KIF1B: variants seen among roughly 807,000 people sequenced by gnomAD.
KIF1B encodes kinesin family member 1B, also known as kinesin-like protein KIF1B.
Under a neutral mutation model 241.9 loss-of-function variants are expected in KIF1B, and 76 were observed. The observed-to-expected ratio is 0.31, with a 90% CI of 0.26 to 0.38. The LOEUF (loss-of-function observed/expected upper bound fraction) is 0.38. Among genes scored for constraint, KIF1B ranks in the 10% least tolerant of loss-of-function variants. The pLI is 1.00. For synonymous variants in KIF1B, 750 were observed against 796.7 expected (o/e 0.94, Z 0.99); for missense variants, 1,622 against 2,271.4 (o/e 0.71, Z 5.81).
rs372177492 is a variant in KIF1B, at chr1:10,320,164, G to A, written c.2209+28G>A. On this transcript the variant is annotated intron_variant, in intron 23 of 48. Transcript: ENST00000676179. ...GAAATCTAGAGACCGAAAGTTTCCT[G>A]TGTATATCTTTTTGAAGTTATATTA... is the stretch of plus-strand genomic sequence containing the variant. 8.9e-5 allele frequency: 130 copies of A among 1,459,512 alleles called. No individual in the cohort carries two copies. In the African/African-American group the frequency reaches 1.4e-3, roughly 16 times the overall value. The allele number at this position is 1,459,512 out of a possible 1,614,324, so 90.4% of individuals were successfully genotyped here.
intron 2 of KIF1B, among the ~76,000 whole-genome samples, chr1:10,241,159 C>T (rs1410383554): frequency 6.6e-6 from 1 of 152,118 alleles, no homozygotes; most frequent in Non-Finnish European, 1.5e-5. Context: ...GTTGCGCAGA[C>T]TGAATACAGT....
chr1:10,217,630 C>G (rs985521236), intron 1 of KIF1B, among the ~76,000 whole-genome samples: 1 of 152,000 alleles, frequency 6.6e-6, no homozygotes, highest in Non-Finnish European at 1.5e-5. Context: ...CTTACTCTTT[C>G]TTCTGCCTGG....
intron 1 of KIF1B, among the ~76,000 whole-genome samples, chr1:10,226,602 C>T (rs1000974983): frequency 1.3e-5 from 2 of 152,156 alleles, no homozygotes; most frequent in South Asian, 4.1e-4. Flanking sequence ...CAATCTTGTT[C>T]TGTCATCCCC....
At chr1:10,282,741 G>A (rs1187307752) in intron 15 of KIF1B, among the ~76,000 whole-genome samples, 4 of 151,530 alleles carry the variant, frequency 2.6e-5, no homozygotes, top group Non-Finnish European at 4.4e-5. Context: ...GTTGGGAGAA[G>A]TGCATGGGCA....
In KIF1B at chr1:10,353,756, G is replaced by T. The variant is rs145215121; in HGVS notation, c.4055+1020G>T. ...AAAAGAAACAAACTTCTGTTTGCTG[G>T]CAGGGGCTGTGGAGAAAGAGGGAAG... On this transcript the variant is annotated intron_variant, in intron 38 of 48. Coordinates refer to ENST00000676179, the MANE Select transcript of KIF1B (RefSeq NM_001365951.3). Among the ~76,000 whole-genome samples the T allele has an allele frequency of 1.2e-3, 180 of 152,256 alleles. 1 individual carries two copies. Among genetic ancestry groups the T allele is most frequent in the African/African-American group, 4.1e-3 (172 of 41,542 alleles).
At chr1:10,237,574 G>T (rs1056747734) in intron 2 of KIF1B, among the ~76,000 whole-genome samples, 5 of 152,096 alleles carry the variant, frequency 3.3e-5, no homozygotes, top group Non-Finnish European at 7.3e-5. Flanking sequence ...TCTTGGTTGG[G>T]ATAGAAGTAG....
At chr1:10,280,554 C>T (rs1649360559) in intron 14 of KIF1B, among the ~76,000 whole-genome samples, 1 of 152,064 alleles carries the variant, frequency 6.6e-6, no homozygotes, top group Non-Finnish European at 1.5e-5. Context: ...CTTATTTCTA[C>T]AGTAAGGCAT....
intron 17 of KIF1B, 54 bp downstream of exon 17, chr1:10,292,176 T>C (rs984716893): frequency 7.2e-7 from 1 of 1,385,806 alleles, no homozygotes; most frequent in Admixed American, 1.7e-5. Context: ...TTGTTTGTCT[T>C]TGTTACTGGG....
chr1:10,353,279 T>C (rs897615536), intron 38 of KIF1B, among the ~76,000 whole-genome samples: 77 of 152,388 alleles, frequency 5.1e-4, no homozygotes, highest in Non-Finnish European at 7.1e-4. Flanking sequence ...TGAACTCTTA[T>C]GACCAAGATT....
In KIF1B at chr1:10,378,397, C is replaced by G. The variant is rs748344834; in HGVS notation, c.*1810C>G. The G allele has an allele frequency of 5.6e-6, 4 of 717,848 alleles. No homozygotes were observed. The highest frequency in any genetic ancestry group is 1.0e-5 in the Non-Finnish European group (4 of 385,212). 44.5% of individuals were successfully genotyped at this position (717,848 alleles called of 1,614,324 possible). On this transcript the variant is annotated 3_prime_UTR_variant, in exon 49 of 49. Transcript: ENST00000676179. The stretch of plus-strand genomic sequence containing the variant: ...AGATAAGTCTGTCTCTTTCAGCTGC[C>G]AGTAAGTTTTCCAGGATGAGAGGGG...
At chr1:10,253,646 A>G (rs188522936) in intron 2 of KIF1B, among the ~76,000 whole-genome samples, 7 of 151,662 alleles carry the variant, frequency 4.6e-5, no homozygotes, top group African/African-American at 1.7e-4. Flanking sequence ...CTGTCTCAGG[A>G]AAAAAAAAGG....
At chr1:10,267,152 G>A (rs1648510247) in intron 5 of KIF1B, among the ~76,000 whole-genome samples, 2 of 152,186 alleles carry the variant, frequency 1.3e-5, no homozygotes, top group Non-Finnish European at 2.9e-5. Context: ...CTGAGTAGCT[G>A]AGACTACAGG....
chr1:10,343,576 G>T (rs1315510178), intron 34 of KIF1B, among the ~76,000 whole-genome samples: 1 of 152,060 alleles, frequency 6.6e-6, no homozygotes, highest in Admixed American at 6.5e-5. Context: ...AGACCAACAT[G>T]GTGAAACCCT....
chr1:10,313,393 G>A (rs1283153149), intron 22 of KIF1B, among the ~76,000 whole-genome samples: 1 of 151,016 alleles, frequency 6.6e-6, no homozygotes, highest in Non-Finnish European at 1.5e-5. Flanking sequence ...AGGTTATTGA[G>A]AAGATTGTAA....
chr1:10,374,559 AGTC>A lies in KIF1B; in HGVS notation c.5096+95_5096+97del. On this transcript the variant is annotated intron_variant, in intron 46 of 48. Coordinates refer to ENST00000676179, the MANE Select transcript of KIF1B (RefSeq NM_001365951.3). The surrounding 1 kb of genome is among the most constrained non-coding windows in gnomAD (Gnocchi z 4.3). The stretch of plus-strand genomic sequence containing the variant: ...CTCTTCCCTGTGAGGTCTGTACTGT[AGTC>A]TGATGCAATCTGTACTGTAGTCTGA... 1.4e-6 allele frequency: 2 copies of A among 1,381,090 alleles called. No individual in the cohort carries two copies. Among genetic ancestry groups the A allele is most frequent in the Middle Eastern group, 2.2e-4 (1 of 4,468 alleles). 85.6% of individuals were successfully genotyped at this position (1,381,090 alleles called of 1,614,324 possible). A position where few individuals can be genotyped will look rare whatever the true frequency, so the allele number is the denominator to read the frequency against.
In KIF1B at chr1:10,305,989, A is replaced by G. The variant is rs796955412; in HGVS notation, c.2115+8743A>G. ...AACGGTGTGAAAAACTACAGCCAAG[A>G]TAGCAGTTAGCATTCAAGGAAGCCT... On this transcript the variant is annotated intron_variant, in intron 22 of 48. Coordinates refer to ENST00000676179, the MANE Select transcript of KIF1B (RefSeq NM_001365951.3). 6.7e-6 allele frequency: 7 copies of G among 1,051,736 alleles called. No individual in the cohort carries two copies. The African/African-American group carries it at 1.2e-4, about 17-fold the overall frequency. The allele number at this position is 1,051,736 out of a possible 1,614,324, so 65.2% of individuals were successfully genotyped here. A position where few individuals can be genotyped will look rare whatever the true frequency, so the allele number is the denominator to read the frequency against.
At chr1:10,228,245 C>T (rs948729745) in intron 1 of KIF1B, among the ~76,000 whole-genome samples, 2 of 151,814 alleles carry the variant, frequency 1.3e-5, no homozygotes, top group African/African-American at 2.4e-5. Context: ...TTTGGTTATC[C>T]TGGAATATTT....
At chr1:10,287,122 A>G (rs534051413) in intron 15 of KIF1B, among the ~76,000 whole-genome samples, 1 of 152,236 alleles carries the variant, frequency 6.6e-6, no homozygotes, top group African/African-American at 2.4e-5. Flanking sequence ...GAACTGTTTC[A>G]TAGAACATTT....
At chr1:10,361,528 T>A (rs765143747) in intron 39 of KIF1B, among the ~76,000 whole-genome samples, 164 bp from the exon 40 acceptor site, 2 of 152,230 alleles carry the variant, frequency 1.3e-5, no homozygotes, top group Non-Finnish European at 2.9e-5. Flanking sequence ...GAGTACTACC[T>A]ACTCTTGCAC....
Sources: allele counts gnomAD v4.1 joint callset (sites outside exome capture counted in the v4.1 genomes callset), GRCh38; gene constraint gnomAD v4.1.1; non-coding constraint Gnocchi (gnomAD v3.1); transcripts MANE v1.5; gene names NCBI Gene and HGNC (gene_info 2026-07-23, HGNC 2026-07-21).